Variants in CSMD1 observed in about 807,000 individuals in gnomAD.
CSMD1 encodes CUB and sushi domain-containing protein 1.
A neutral mutation model predicts 417.5 loss-of-function variants in CSMD1; 213 were observed. The observed-to-expected ratio is 0.51, with a 90% CI of 0.46 to 0.57. The LOEUF (loss-of-function observed/expected upper bound fraction) is 0.57, where lower values mean the gene tolerates loss of function less well. CSMD1 is among the 20% of genes least tolerant of loss of function. The pLI is 0.00. For missense variants in CSMD1, 6,923 were observed against 4,529.7 expected (o/e 1.53, Z -15.17); for synonymous variants, 2,862 against 1,736.8 (o/e 1.65, Z -16.11).
At chr8:4,450,213 A>G (rs1322712122) in intron 2 of CSMD1, among the ~76,000 whole-genome samples, 3 of 152,334 alleles carry the variant, frequency 2.0e-5, no homozygotes, top group Non-Finnish European at 2.9e-5. Context: ...CAGAGTACCT[A>G]TATGTGAGGG....
chr8:3,900,630 C>T (rs1364853202), intron 5 of CSMD1, among the ~76,000 whole-genome samples: 1 of 151,814 alleles, frequency 6.6e-6, no homozygotes, highest in Non-Finnish European at 1.5e-5. Flanking sequence ...AGTTGGGTAA[C>T]AGTGCAGCTA....
chr8:2,966,025 T>G, intron 58 of CSMD1, 71 bp from the exon 59 acceptor site: 4 of 1,318,040 alleles, frequency 3.0e-6, no homozygotes, highest in Non-Finnish European at 4.3e-6. Context: ...ACCATTTCTA[T>G]TCAAGATACT....
chr8:3,575,176 A>C, intron 9 of CSMD1, 110 bp from the exon 10 acceptor site: 1 of 1,124,096 alleles, frequency 8.9e-7, no homozygotes, highest in Non-Finnish European at 1.2e-6. Flanking sequence ...ACAGTAAAAA[A>C]AAAAAAAAAA....
At chr8:4,216,626 G>A (rs1023963651) in intron 3 of CSMD1, among the ~76,000 whole-genome samples, 5 of 152,164 alleles carry the variant, frequency 3.3e-5, no homozygotes, top group African/African-American at 9.7e-5. Flanking sequence ...TGTGAATGCT[G>A]GGCCTCACAG....
At position 3,428,426 on chromosome 8, in the gene CSMD1, A is replaced by G. The variant is rs147339598; in HGVS notation, c.1562-18821T>C. On this transcript the variant is annotated intron_variant, in intron 12 of 69. Transcript: ENST00000635120. ...CTTTAAAGAAATGGCACGAGAAACG[A>G]AACTGTCAAGAATATTAAATCACCC... Among the ~76,000 whole-genome samples the G allele has an allele frequency of 3.8e-3, 578 of 152,336 alleles. 3 individuals are homozygous for G. Among genetic ancestry groups the G allele is most frequent in the African/African-American group, 0.013 (545 of 41,580 alleles).
intron 2 of CSMD1, among the ~76,000 whole-genome samples, chr8:4,534,740 C>T (rs1797014008): frequency 6.6e-6 from 1 of 152,088 alleles, no homozygotes; most frequent in African/African-American, 2.4e-5. Context: ...CCTCCAACTC[C>T]ATCCACGTAC....
At chr8:4,563,868 T>C (rs1798462587) in intron 2 of CSMD1, among the ~76,000 whole-genome samples, 4 of 152,046 alleles carry the variant, frequency 2.6e-5, no homozygotes, top group Admixed American at 2.6e-4. Flanking sequence ...AGACTTGGAG[T>C]TGCGAAGTAA....
At chr8:4,418,309 G>C (rs1277811712) in intron 3 of CSMD1, among the ~76,000 whole-genome samples, 1 of 151,988 alleles carries the variant, frequency 6.6e-6, no homozygotes, top group Non-Finnish European at 1.5e-5. Flanking sequence ...TGATCTTTTG[G>C]AGTAACAAAG....
At chr8:3,641,148 C>T (rs1487959306) in intron 7 of CSMD1, among the ~76,000 whole-genome samples, 2 of 147,774 alleles carry the variant, frequency 1.4e-5, no homozygotes, top group East Asian at 2.1e-4. Flanking sequence ...CAGACCGGTT[C>T]TCTGAATCTG....
chr8:4,749,034 CTGTG>C (rs145891673), intron 1 of CSMD1, among the ~76,000 whole-genome samples: 5 of 149,388 alleles, frequency 3.3e-5, no homozygotes, highest in African/African-American at 5.1e-5. Flanking sequence ...TGACCCAAAA[CTGTG>C]TGTGTGTGCC....
At chr8:3,373,069 A>T (rs911554253) in intron 18 of CSMD1, among the ~76,000 whole-genome samples, 3 of 152,220 alleles carry the variant, frequency 2.0e-5, no homozygotes, top group African/African-American at 7.2e-5. Flanking sequence ...TAAAACTGAG[A>T]TATCTTATAT....
At chr8:4,068,261 C>G (rs1320271752) in intron 3 of CSMD1, among the ~76,000 whole-genome samples, 1 of 152,056 alleles carries the variant, frequency 6.6e-6, no homozygotes, top group East Asian at 1.9e-4. Context: ...AGGTTGCCCT[C>G]CTCGGAGAGT....
intron 26 of CSMD1, among the ~76,000 whole-genome samples, chr8:3,254,106 A>T (rs1800470182): frequency 1.3e-5 from 2 of 152,076 alleles, no homozygotes; most frequent in Non-Finnish European, 2.9e-5. Flanking sequence ...CTTGTCTGTA[A>T]AGGATTTTAT....
chr8:2,998,076 T>G lies in CSMD1; in HGVS notation c.8312A>C (p.Gln2771Pro). 6.2e-7 allele frequency: 1 copy of G among 1,614,012 alleles called. No homozygotes were observed. The highest frequency in any genetic ancestry group is 1.7e-5 in the Admixed American group (1 of 60,032). ...CCGACACTGGGCTCGAGACACGCCCTGCAGCAAATAGCCCGTGTTGCAGGT... is the reference window on the plus strand; with the variant it reads ...CCGACACTGGGCTCGAGACACGCCCGGCAGCAAATAGCCCGTGTTGCAGGT... Reference protein sequence around the residue: ...NFTCNTGYLLQGVSRAQCRSN... With the variant: ...NFTCNTGYLLPGVSRAQCRSN... The change falls in exon 54 of 70, where the codon CAG (glutamine) becomes CCG (proline). Residue 2771 changes from glutamine to proline, a missense_variant. Transcript: ENST00000635120.
chr8:3,309,099 T>A (rs1484612299), intron 23 of CSMD1, among the ~76,000 whole-genome samples: 1 of 152,022 alleles, frequency 6.6e-6, no homozygotes, highest in Non-Finnish European at 1.5e-5. Context: ...CTGGATTCTC[T>A]GGTGAGCCCC....
In CSMD1 at chr8:4,385,251, G is replaced by A. The variant is rs191556135; in HGVS notation, c.415+34702C>T. Among the ~76,000 whole-genome samples, 500 of 152,258 alleles carry A rather than the reference G, an allele frequency of 3.3e-3. 1 individual carries two copies. Among genetic ancestry groups the A allele is most frequent in the African/African-American group, 0.011 (465 of 41,540 alleles). ...CCACATTAAAAAAGTTCTTAAATAG[G>A]TGTTTGATGTTTATTCATCAGGCTT... On this transcript the variant is annotated intron_variant, in intron 3 of 69. Coordinates refer to ENST00000635120, the MANE Select transcript of CSMD1 (RefSeq NM_033225.6).
intron 3 of CSMD1, among the ~76,000 whole-genome samples, chr8:4,195,121 T>G (rs1799255722): frequency 6.6e-6 from 1 of 152,226 alleles, no homozygotes; most frequent in Non-Finnish European, 1.5e-5. Flanking sequence ...ATGAAACATT[T>G]TAAAGGAAAA....
intron 7 of CSMD1, among the ~76,000 whole-genome samples, chr8:3,621,421 T>G (rs1217677943): frequency 2.0e-5 from 3 of 152,134 alleles, no homozygotes; most frequent in African/African-American, 7.2e-5. Context: ...ATGATGGTTT[T>G]GCCAGGGGCT....
At chr8:3,782,027 G>A (rs528826634) in intron 5 of CSMD1, among the ~76,000 whole-genome samples, 14 of 132,450 alleles carry the variant, frequency 1.1e-4, no homozygotes, top group African/African-American at 3.2e-4. Context: ...TAATTTAAGA[G>A]TATCTCTCTA....
Sources: gnomAD v4.1 joint callset for allele counts (sites outside exome capture counted in the v4.1 genomes callset) on GRCh38, gnomAD v4.1.1 for gene constraint, MANE v1.5 for transcripts, NCBI Gene and HGNC (gene_info 2026-07-23, HGNC 2026-07-21) for gene names.